Variants in MYRIP observed in about 807,000 individuals in gnomAD.
The protein encoded by MYRIP is rab effector MyRIP.
Under a neutral mutation model 98.0 loss-of-function variants are expected in MYRIP, and 49 were observed. The observed-to-expected ratio is 0.50, with a 90% CI of 0.40 to 0.63. MYRIP has a LOEUF of 0.63. MYRIP is among the 30% of genes least tolerant of loss of function. The probability of loss-of-function intolerance (pLI) is 0.00; values close to 1 mark genes in which losing one functional copy is unlikely to be tolerated. For missense variants in MYRIP, 1,004 were observed against 1,058.2 expected (o/e 0.95, Z 0.71); for synonymous variants, 404 against 409.5 (o/e 0.99, Z 0.16).
At chr3:40,056,111 T>G (rs1388267978) in intron 3 of MYRIP, among the ~76,000 whole-genome samples, 7 of 152,206 alleles carry the variant, frequency 4.6e-5, no homozygotes, top group African/African-American at 1.7e-4. Context: ...TTTAGCGAGC[T>G]TGTGTGGTTC....
chr3:39,813,530 AC>A (rs930646784), intron 1 of MYRIP, among the ~76,000 whole-genome samples: 2 of 152,178 alleles, frequency 1.3e-5, no homozygotes, highest in African/African-American at 4.8e-5. Flanking sequence ...AAAGAACTGC[AC>A]CTTGAAAGTT....
At chr3:40,182,194 C>A (rs772051344) in intron 8 of MYRIP, 26 bp from the exon 9 acceptor site, 3 of 1,585,178 alleles carry the variant, frequency 1.9e-6, no homozygotes, top group African/African-American at 2.7e-5. Flanking sequence ...TATGAGCTCA[C>A]CCCTTCCCCT....
intron 8 of MYRIP, among the ~76,000 whole-genome samples, chr3:40,170,952 G>A (rs184863325): frequency 5.8e-4 from 88 of 152,272 alleles, no homozygotes; most frequent in Non-Finnish European, 1.1e-3. Context: ...TGGTCGACTT[G>A]CAGTCCACAA....
chr3:39,927,744 A>G (rs9874949), intron 2 of MYRIP, among the ~76,000 whole-genome samples: 56,183 of 151,846 alleles, frequency 0.37, 10,722 homozygotes, highest in East Asian at 0.45. Flanking sequence ...GCAAAAAAAG[A>G]AAACTACAGG....
At position 40,185,591 on chromosome 3, in the gene MYRIP, G is replaced by A. The variant is rs1302413388; in HGVS notation, c.1027+3218G>A. 3.3e-5 allele frequency among the ~76,000 whole-genome samples: 5 copies of A among 152,148 alleles called. No individual in the cohort carries two copies. The East Asian group carries it at 9.6e-4, about 29-fold the overall frequency. ...TTTCACATGTCTGGGTATTCAGGGA[G>A]CCATCTGTGTTTTTGCTAAGAAGTA... On this transcript the variant is annotated intron_variant, in intron 9 of 16. Transcript: ENST00000302541.
chr3:40,203,011 T>C lies in MYRIP; in HGVS notation c.1666-6843T>C, dbSNP rs561535777. On this transcript the variant is annotated intron_variant, in intron 10 of 16. Transcript: ENST00000302541. The stretch of plus-strand genomic sequence containing the variant: ...GTGGTGCAATGTCGGCTCACTGCAA[T>C]CTCCACCTCCCAGGTTCAAGCGATT... Among the ~76,000 whole-genome samples, 5 of 151,912 alleles carry C rather than the reference T, an allele frequency of 3.3e-5. No homozygotes were observed. The East Asian group carries it at 9.7e-4, about 29-fold the overall frequency.
At chr3:39,846,664 C>G (rs984137033) in intron 1 of MYRIP, among the ~76,000 whole-genome samples, 1 of 152,178 alleles carries the variant, frequency 6.6e-6, no homozygotes, top group South Asian at 2.1e-4. Flanking sequence ...TATTGCACTT[C>G]CCTGCTGATC....
chr3:39,893,936 A>C (rs1394641308), intron 1 of MYRIP, among the ~76,000 whole-genome samples: 1 of 152,192 alleles, frequency 6.6e-6, no homozygotes, highest in Non-Finnish European at 1.5e-5. Context: ...TGTAAATAAC[A>C]CTAAAATGAA....
intron 2 of MYRIP, among the ~76,000 whole-genome samples, chr3:39,957,932 A>G (rs138737859): frequency 0.021 from 3,137 of 152,186 alleles, 101 homozygotes; most frequent in African/African-American, 0.072. Context: ...ATTCACAATT[A>G]CTTCAAAGAG....
At chr3:39,959,913 G>GC (rs1472086200) in intron 2 of MYRIP, among the ~76,000 whole-genome samples, 1 of 151,956 alleles carries the variant, frequency 6.6e-6, no homozygotes, top group Non-Finnish European at 1.5e-5. Flanking sequence ...TCAACTTAGT[G>GC]CCCCCCATGT....
At chr3:39,877,932 T>C (rs1210405387) in intron 1 of MYRIP, among the ~76,000 whole-genome samples, 5 of 152,230 alleles carry the variant, frequency 3.3e-5, no homozygotes, top group Admixed American at 6.5e-5. Context: ...TGTTTGTCTG[T>C]GCCCTGCCCC....
At chr3:40,041,315 A>G (rs1947525178) in intron 2 of MYRIP, among the ~76,000 whole-genome samples, 1 of 112,058 alleles carries the variant, frequency 8.9e-6, no homozygotes, top group Non-Finnish European at 1.9e-5. Context: ...AATTACTTGT[A>G]AATTACAAAG....
chr3:40,207,014 G>C (rs1376259176), intron 10 of MYRIP, among the ~76,000 whole-genome samples: 2 of 152,168 alleles, frequency 1.3e-5, no homozygotes, highest in African/African-American at 4.8e-5. Context: ...GATGATAAGA[G>C]AAGGTCACCA....
rs556765773 is a variant in MYRIP, at chr3:39,815,613, C to A, written c.-31+5697C>A. Among the ~76,000 whole-genome samples, 10 of 152,094 alleles carry A rather than the reference C, an allele frequency of 6.6e-5. 1 individual carries two copies. The highest frequency in any genetic ancestry group is 2.4e-4 in the African/African-American group (10 of 41,482). ...TGGCATCTTTGTTGGTTTGTAGATT[C>A]TCTGGATATTCTGTAGAAAGCCATA... On this transcript the variant is annotated intron_variant, in intron 1 of 16. Coordinates refer to ENST00000302541, the MANE Select transcript of MYRIP (RefSeq NM_015460.4).
intron 2 of MYRIP, among the ~76,000 whole-genome samples, chr3:39,954,375 C>T (rs1362234942): frequency 6.6e-6 from 1 of 152,096 alleles, no homozygotes; most frequent in East Asian, 1.9e-4. Flanking sequence ...TGTTCTGTAG[C>T]CTCCGCTGGG....
At position 40,212,183 on chromosome 3, in the gene MYRIP, TATGTGTATATACATATATATAC is replaced by T. The variant is rs1451131050; in HGVS notation, c.1905+2091_1905+2112del. The stretch of plus-strand genomic sequence containing the variant: ...ATATATATATACATATATATACGTG[TATGTGTATATACATATATATAC>T]GTGTGTGTATATATATATATACACA... On this transcript the variant is annotated intron_variant, in intron 11 of 16. Coordinates refer to ENST00000302541, the MANE Select transcript of MYRIP (RefSeq NM_015460.4). 2.7e-3 allele frequency among the ~76,000 whole-genome samples: 13 copies of T among 4,750 alleles called. 3 individuals are homozygous for T. Among genetic ancestry groups the T allele is most frequent in the South Asian group, 5.9e-3 (1 of 170 alleles). 3.1% of individuals were successfully genotyped at this position (4,750 alleles called of 152,430 possible). A position where few individuals can be genotyped will look rare whatever the true frequency, so the allele number is the denominator to read the frequency against.
intron 3 of MYRIP, among the ~76,000 whole-genome samples, chr3:40,128,416 C>T (rs940644924): frequency 3.9e-5 from 6 of 152,170 alleles, no homozygotes; most frequent in East Asian, 1.9e-4. Flanking sequence ...GCAGGAAAAC[C>T]ACAACCACTT....
chr3:39,829,358 T>G (rs114106862), intron 1 of MYRIP, among the ~76,000 whole-genome samples: 1,952 of 152,322 alleles, frequency 0.013, 44 homozygotes, highest in African/African-American at 0.044. Context: ...CTCTTCCAAT[T>G]CTATGGAGAA....
intron 10 of MYRIP, among the ~76,000 whole-genome samples, chr3:40,207,739 C>A (rs1259889157): frequency 1.3e-5 from 2 of 152,184 alleles, no homozygotes; most frequent in African/African-American, 4.8e-5. Flanking sequence ...GACCATACTT[C>A]TTTTTCATCC....
Sources: allele counts gnomAD v4.1 joint callset (sites outside exome capture counted in the v4.1 genomes callset), GRCh38; gene constraint gnomAD v4.1.1; transcripts MANE v1.5; gene names NCBI Gene and HGNC (gene_info 2026-07-23, HGNC 2026-07-21).